The following ACO1 variants were observed in gnomAD, a reference collection of about 807,000 sequenced individuals.
ACO1 encodes the protein aconitase 1, also known as cytoplasmic aconitate hydratase.
Under a neutral mutation model 105.1 loss-of-function variants are expected in ACO1, and 78 were observed. The ratio of observed to expected loss-of-function variants is 0.74; its 90% CI spans 0.62 to 0.90. ACO1 has a LOEUF of 0.90. ACO1 is among the 40% of genes least tolerant of loss of function. The probability of loss-of-function intolerance (pLI) is 0.00; values close to 1 mark genes in which losing one functional copy is unlikely to be tolerated. For synonymous variants in ACO1, 364 were observed against 397.4 expected, an observed-to-expected ratio of 0.92 and a Z score of 1.00; for missense variants, 965 against 1,111.1, an observed-to-expected ratio of 0.87 and a Z score of 1.87.
In ACO1 at chr9:32,431,770, G is replaced by A. The variant is rs1822243449; in HGVS notation, c.1778G>A (p.Arg593Lys). ...QVFLKDIWPT[R>K]DEIQAVERQY... ...TTTCTGAAAGATATCTGGCCGACTA[G>A]AGACGAGATCCAGGCAGTGGAGCGT... is the stretch of plus-strand genomic sequence containing the variant. Residue 593 changes from arginine (R) to lysine (K), a missense_variant, in exon 15 of 21, where the codon AGA (arginine) becomes AAA (lysine). Arg to Lys is a conservative substitution (Grantham distance 26, BLOSUM62 2). Transcript: ENST00000309951. 6.2e-7 allele frequency: 1 copy of A among 1,613,994 alleles called. No individual in the cohort carries two copies.
At chr9:32,434,038 G>A (rs533484005) in intron 16 of ACO1, among the ~76,000 whole-genome samples, 12 of 152,292 alleles carry the variant, frequency 7.9e-5, no homozygotes, top group African/African-American at 1.2e-4. Context: ...GGGGTTCTGC[G>A]TGGATGTACA....
intron 19 of ACO1, among the ~76,000 whole-genome samples, chr9:32,448,156 C>T (rs1422558158): frequency 6.6e-6 from 1 of 152,178 alleles, no homozygotes; most frequent in African/African-American, 2.4e-5. Context: ...CACCCCTTCC[C>T]CTAGGTGCTC....
rs957806830 is a variant in ACO1, at chr9:32,431,663, A to G, written c.1727-56A>G. 80 of 1,597,178 alleles carry G rather than the reference A, an allele frequency of 5.0e-5. No homozygotes were observed. The Admixed American group carries it at 1.3e-3, about 26-fold the overall frequency. On this transcript the variant is annotated intron_variant, in intron 14 of 20. Coordinates refer to ENST00000309951, the MANE Select transcript of ACO1 (RefSeq NM_002197.3). ...AGGAGAACGAGGCTTGACTCTGTATAATCATGAAAATTGCATATTAGAAAG... is the reference window on the plus strand; with the variant it reads ...AGGAGAACGAGGCTTGACTCTGTATGATCATGAAAATTGCATATTAGAAAG...
At chr9:32,393,657 C>T (rs1386015094) in intron 1 of ACO1, among the ~76,000 whole-genome samples, 1 of 152,144 alleles carries the variant, frequency 6.6e-6, no homozygotes, top group Non-Finnish European at 1.5e-5. Context: ...GGTTTTACTG[C>T]TCAGGGGGCA....
chr9:32,425,177 A>G (rs910926875), intron 10 of ACO1, among the ~76,000 whole-genome samples: 1 of 152,218 alleles, frequency 6.6e-6, no homozygotes, highest in Admixed American at 6.5e-5. Flanking sequence ...ATTTGCATGT[A>G]TGATTTCTGT....
At chr9:32,449,652 G>A (rs1014126722) in intron 20 of ACO1, among the ~76,000 whole-genome samples, 2 of 152,118 alleles carry the variant, frequency 1.3e-5, no homozygotes, top group African/African-American at 4.8e-5. Context: ...GAATACTTCT[G>A]TCCACAGGGA....
At position 32,407,399 on chromosome 9, in the gene ACO1, A is replaced by T. The variant is rs1224047264; in HGVS notation, c.236A>T (p.Lys79Met). The part of the protein sequence containing the change: ...TQHKNIEVPF[K>M]PARVILQDFT... ...CACAAGAACATAGAAGTGCCATTTA[A>T]GCCTGCTCGTGTCATCCTGCAGGAC... Residue 79 changes from lysine (K) to methionine (M), a missense_variant, in exon 3 of 21, where the codon AAG (lysine) becomes ATG (methionine). Lys to Met is a moderately conservative substitution (Grantham distance 95). Coordinates refer to ENST00000309951, the MANE Select transcript of ACO1 (RefSeq NM_002197.3). The T allele has an allele frequency of 6.2e-7, 1 of 1,614,154 alleles. No homozygotes were observed. The highest frequency in any genetic ancestry group is 1.1e-5 in the South Asian group (1 of 91,084).
At chr9:32,435,824 G>T (rs1380553979) in intron 17 of ACO1, among the ~76,000 whole-genome samples, 1 of 152,150 alleles carries the variant, frequency 6.6e-6, no homozygotes, top group Non-Finnish European at 1.5e-5. Flanking sequence ...TTTGTGGAAC[G>T]TATTTTGTGT....
chr9:32,413,482 C>CAAAAAAAAA (rs35294620), intron 4 of ACO1, among the ~76,000 whole-genome samples: 2 of 132,640 alleles, frequency 1.5e-5, no homozygotes, highest in Non-Finnish European at 1.6e-5. Flanking sequence ...GACTCTATCT[C>CAAAAAAAAA]AAAAAAAAAA....
At chr9:32,407,537 T>C in intron 3 of ACO1, 108 bp downstream of exon 3, 1 of 1,028,282 alleles carries the variant, frequency 9.7e-7, no homozygotes, top group Non-Finnish European at 1.4e-6. Flanking sequence ...ACTTTATTAA[T>C]TTATGACTAT....
intron 4 of ACO1, among the ~76,000 whole-genome samples, chr9:32,415,667 T>C (rs1430134037): frequency 6.6e-6 from 1 of 152,220 alleles, no homozygotes; most frequent in Non-Finnish European, 1.5e-5. Flanking sequence ...CAGAGTCTGC[T>C]GATGCCGGTG....
chr9:32,417,483 A>C (rs1418744608), intron 4 of ACO1, among the ~76,000 whole-genome samples: 1 of 152,182 alleles, frequency 6.6e-6, no homozygotes, highest in African/African-American at 2.4e-5. Context: ...GACTCAAAAC[A>C]ATGCAGTTTG....
At position 32,429,483 on chromosome 9, in the gene ACO1, G is replaced by A. The variant is rs1563942438; in HGVS notation, c.1549G>A (p.Val517Met). The A allele has an allele frequency of 6.2e-7, 1 of 1,614,068 alleles. No individual in the cohort carries two copies. The highest frequency in any genetic ancestry group is 1.3e-5 in the African/African-American group (1 of 74,924). ...IGNSGPLPEPVVEAITQGDLV... is the reference protein window; with the variant it reads ...IGNSGPLPEPMVEAITQGDLV... Reference sequence around the variant, plus strand: ...CAACAGTGGGCCTTTACCTGAACCTGTGGTAGAAGCCATCACACAGGTAAT... The same window carrying A: ...CAACAGTGGGCCTTTACCTGAACCTATGGTAGAAGCCATCACACAGGTAAT... The change falls in exon 13 of 21, where the codon GTG becomes ATG. Residue 517 changes from valine to methionine, a missense_variant. Physicochemically the swap from Val to Met is conservative, Grantham distance 21 (BLOSUM62 1). Coordinates refer to ENST00000309951, the MANE Select transcript of ACO1 (RefSeq NM_002197.3).
chr9:32,406,143 C>T (rs1230798686), intron 2 of ACO1, among the ~76,000 whole-genome samples: 2 of 152,172 alleles, frequency 1.3e-5, no homozygotes, highest in Non-Finnish European at 2.9e-5. Context: ...TTTAGGAACT[C>T]CAGTTACCAC....
chr9:32,387,217 G>A (rs1821173515), intron 1 of ACO1, among the ~76,000 whole-genome samples: 1 of 152,170 alleles, frequency 6.6e-6, no homozygotes, highest in Non-Finnish European at 1.5e-5. Flanking sequence ...CCAGCCTCGG[G>A]TTAAGACACT....
intron 4 of ACO1, 132 bp downstream of exon 4, chr9:32,408,783 A>C: frequency 9.2e-7 from 1 of 1,090,558 alleles, no homozygotes; most frequent in Non-Finnish European, 1.3e-6. Context: ...CTTAAACTTC[A>C]TATACATTTC....
intron 4 of ACO1, among the ~76,000 whole-genome samples, chr9:32,414,845 C>G (rs1334697797): frequency 6.6e-6 from 1 of 152,130 alleles, no homozygotes; most frequent in African/African-American, 2.4e-5. Flanking sequence ...TTTAGCAGAT[C>G]TATTATGTGC....
chr9:32,402,053 CT>C (rs1367551971), intron 1 of ACO1, among the ~76,000 whole-genome samples: 1 of 152,198 alleles, frequency 6.6e-6, no homozygotes, highest in Non-Finnish European at 1.5e-5. Flanking sequence ...AACTGTTCAT[CT>C]GTCTTCCTTG....
chr9:32,437,634 A>G (rs985137320), intron 18 of ACO1, among the ~76,000 whole-genome samples: 1 of 152,226 alleles, frequency 6.6e-6, no homozygotes, highest in Non-Finnish European at 1.5e-5. Context: ...TCAGATGTCT[A>G]GAACCTCATC....
Sources: gnomAD v4.1 joint callset for allele counts (sites outside exome capture counted in the v4.1 genomes callset) on GRCh38, gnomAD v4.1.1 for gene constraint, MANE v1.5 for transcripts, NCBI Gene and HGNC (gene_info 2026-07-23, HGNC 2026-07-21) for gene names.